Variants in FYN observed in about 807,000 individuals in gnomAD.
FYN encodes FYN proto-oncogene, Src family tyrosine kinase.
In FYN, 10 loss-of-function variants were observed where a neutral mutation model predicts 70.2. That is an observed-to-expected ratio of 0.14 (90% CI 0.09 to 0.24). FYN has a LOEUF of 0.24. Ranked by LOEUF, FYN falls within the 10% of genes least tolerant of loss-of-function variation. The pLI is 1.00. For missense variants in FYN, 319 were observed against 673.1 expected, an observed-to-expected ratio of 0.47 and a Z score of 5.82; for synonymous variants, 236 against 248.6, an observed-to-expected ratio of 0.95 and a Z score of 0.48.
At chr6:111,830,666 T>TG (rs1236907239) in intron 2 of FYN, among the ~76,000 whole-genome samples, 1 of 151,884 alleles carries the variant, frequency 6.6e-6, no homozygotes, top group African/African-American at 2.4e-5. Context: ...ACTAGATGCA[T>TG]GGAGTTAAGA....
At chr6:111,856,344 A>G (rs1773822767) in intron 1 of FYN, among the ~76,000 whole-genome samples, 1 of 152,226 alleles carries the variant, frequency 6.6e-6, no homozygotes, top group South Asian at 2.1e-4. Context: ...AATTTCAAAT[A>G]CTAACTATAA....
chr6:111,859,222 TATG>T (rs1223168498), intron 1 of FYN, among the ~76,000 whole-genome samples: 1 of 152,214 alleles, frequency 6.6e-6, no homozygotes, highest in Non-Finnish European at 1.5e-5. Flanking sequence ...AGCTGATTCA[TATG>T]ATGTTTTCTC....
intron 2 of FYN, among the ~76,000 whole-genome samples, chr6:111,840,825 A>C (rs1420583189): frequency 6.6e-6 from 1 of 152,220 alleles, no homozygotes; most frequent in Admixed American, 6.5e-5. Context: ...CTTCACATGC[A>C]ATTTCAGCAG....
chr6:111,698,789 A>G (rs1478078017), intron 9 of FYN, among the ~76,000 whole-genome samples: 1 of 152,178 alleles, frequency 6.6e-6, no homozygotes, highest in Non-Finnish European at 1.5e-5. Context: ...AATCCTTTAA[A>G]TAAGTATCAT....
Position 111,675,332 on chromosome 6 carries a change from C to T in FYN, c.1274-702G>A, listed in dbSNP as rs548354832. Among the ~76,000 whole-genome samples, 25 of 152,278 alleles carry T rather than the reference C, an allele frequency of 1.6e-4. 1 individual carries two copies. The highest frequency in any genetic ancestry group is 1.4e-3 in the Admixed American group (21 of 15,296). On this transcript the variant is annotated intron_variant, in intron 12 of 13. Coordinates refer to ENST00000354650, the MANE Select transcript of FYN (RefSeq NM_002037.5). ...AGAGCAGTTCTGCCTCCATGACTGT[C>T]TTATGAGTCTCTGACTTTTCAAGAC...
At chr6:111,737,050 T>G (rs1187702146) in intron 3 of FYN, among the ~76,000 whole-genome samples, 1 of 152,240 alleles carries the variant, frequency 6.6e-6, no homozygotes, top group Non-Finnish European at 1.5e-5. Flanking sequence ...CATCCATTCT[T>G]GTCACTATTT....
At chr6:111,681,349 T>C (rs576838977) in intron 12 of FYN, among the ~76,000 whole-genome samples, 1 of 152,124 alleles carries the variant, frequency 6.6e-6, no homozygotes, top group East Asian at 1.9e-4. Context: ...TTTGTAGAGA[T>C]GGGATCTTGC....
Position 111,725,891 on chromosome 6 carries a change from G to A in FYN, c.-11-5829C>T, listed in dbSNP as rs552226914. Among the ~76,000 whole-genome samples the A allele has an allele frequency of 3.3e-5, 5 of 152,322 alleles. No homozygotes were observed. In the East Asian group the frequency reaches 5.8e-4, roughly 18 times the overall value. Reference sequence around the variant, plus strand: ...CATCGGGTTGTTATTTGGCACAGCCGACTTTGAGAGATCATCCTGGGTGGA... The same window carrying A: ...CATCGGGTTGTTATTTGGCACAGCCAACTTTGAGAGATCATCCTGGGTGGA... On this transcript the variant is annotated intron_variant, in intron 3 of 13. Coordinates refer to ENST00000354650, the MANE Select transcript of FYN (RefSeq NM_002037.5).
At chr6:111,684,163 A>G (rs1212339683) in intron 12 of FYN, among the ~76,000 whole-genome samples, 1 of 152,166 alleles carries the variant, frequency 6.6e-6, no homozygotes, top group Non-Finnish European at 1.5e-5. Context: ...GGGAGGAAGG[A>G]GGAATGCTGT....
At chr6:111,690,518 G>T (rs1477691342) in intron 12 of FYN, among the ~76,000 whole-genome samples, 1 of 152,122 alleles carries the variant, frequency 6.6e-6, no homozygotes, top group Non-Finnish European at 1.5e-5. Flanking sequence ...GACTACTTGG[G>T]AATTATCTTT....
At chr6:111,758,792 G>A (rs1449806618) in intron 3 of FYN, 1 of 149,824 alleles carries the variant, frequency 6.7e-6, no homozygotes, top group Non-Finnish European at 1.5e-5. Flanking sequence ...AGGACGGCAG[G>A]ACAGGAATGA....
chr6:111,858,589 C>T (rs1262071525), intron 1 of FYN, among the ~76,000 whole-genome samples: 2 of 152,096 alleles, frequency 1.3e-5, no homozygotes, highest in Admixed American at 1.3e-4. Flanking sequence ...TGGGCTAACT[C>T]TGTTCTCTGA....
At chr6:111,747,426 A>C (rs1031168969) in intron 3 of FYN, among the ~76,000 whole-genome samples, 1 of 152,256 alleles carries the variant, frequency 6.6e-6, no homozygotes, top group African/African-American at 2.4e-5. Flanking sequence ...AACTGTTTAA[A>C]GCAGCATCAC....
chr6:111,707,886 A>G, intron 6 of FYN, 36 bp downstream of exon 6: 1 of 1,499,596 alleles, frequency 6.7e-7, no homozygotes, highest in East Asian at 2.3e-5. Flanking sequence ...CAACTTTTAA[A>G]ATCAAGTAGT....
At chr6:111,777,813 GC>G (rs1428105487) in intron 3 of FYN, among the ~76,000 whole-genome samples, 1 of 152,300 alleles carries the variant, frequency 6.6e-6, no homozygotes, top group African/African-American at 2.4e-5. Flanking sequence ...ACACAGCACT[GC>G]CTCTAAAGAT....
intron 1 of FYN, among the ~76,000 whole-genome samples, chr6:111,856,877 C>T (rs1276690687): frequency 1.3e-5 from 2 of 152,102 alleles, no homozygotes; most frequent in African/African-American, 2.4e-5. Flanking sequence ...CCAGAACACC[C>T]CCAATAAAGG....
At chr6:111,681,724 T>C (rs1014815051) in intron 12 of FYN, among the ~76,000 whole-genome samples, 2 of 152,130 alleles carry the variant, frequency 1.3e-5, no homozygotes, top group African/African-American at 4.8e-5. Context: ...TGCTTGATAA[T>C]AGCAGCTACC....
intron 1 of FYN, among the ~76,000 whole-genome samples, chr6:111,870,712 AGAG>A (rs1472210782): frequency 1.3e-5 from 2 of 152,352 alleles, no homozygotes; most frequent in Non-Finnish European, 2.9e-5. Context: ...ACGGCTTCAC[AGAG>A]GAGATGACAT....
chr6:111,675,515 C>T (rs932945071), intron 12 of FYN, among the ~76,000 whole-genome samples: 1 of 152,008 alleles, frequency 6.6e-6, no homozygotes, highest in East Asian at 1.9e-4. Context: ...GGATTCAGGC[C>T]GGGTGTGGTG....
Sources: gnomAD v4.1 joint callset for allele counts (sites outside exome capture counted in the v4.1 genomes callset) on GRCh38, gnomAD v4.1.1 for gene constraint, MANE v1.5 for transcripts, NCBI Gene and HGNC (gene_info 2026-07-23, HGNC 2026-07-21) for gene names.